Variants in RHBDD1 observed in about 807,000 individuals in gnomAD.
RHBDD1 encodes rhomboid domain containing 1, also known as rhomboid-related protein 4.
Under a neutral mutation model 36.3 loss-of-function variants are expected in RHBDD1, and 38 were observed. The observed-to-expected ratio is 1.05, with a 90% confidence interval of 0.81 to 1.37. The LOEUF (loss-of-function observed/expected upper bound fraction) is 1.37. Among genes scored for constraint, RHBDD1 ranks in the 40% most tolerant of loss-of-function variants. The pLI is 0.00. For synonymous variants in RHBDD1, 151 were observed against 136.5 expected, an observed-to-expected ratio of 1.11 and a Z score of -0.74; for missense variants, 393 against 377.6, an observed-to-expected ratio of 1.04 and a Z score of -0.34.
chr2:226,909,954 G>A (rs963669732), intron 7 of RHBDD1, among the ~76,000 whole-genome samples: 5 of 152,156 alleles, frequency 3.3e-5, no homozygotes. Flanking sequence ...GGCATCAAGG[G>A]CTTTATTGGC....
At chr2:226,827,220 C>T in the RHBDD1 span, among the ~76,000 whole-genome samples, 6 of 152,220 alleles carry the variant, frequency 3.9e-5, no homozygotes, top group African/African-American at 1.4e-4. Context: ...CTGCCTTGGC[C>T]TCCCAAAGTG....
intron 5 of RHBDD1, among the ~76,000 whole-genome samples, chr2:226,884,309 A>G (rs1468140234): frequency 6.6e-6 from 1 of 152,146 alleles, no homozygotes; most frequent in African/African-American, 2.4e-5. Context: ...ATGTAAAATG[A>G]AGACAGTTGG....
At chr2:226,975,268 C>T (rs1954361239) in intron 8 of RHBDD1, among the ~76,000 whole-genome samples, 1 of 152,128 alleles carries the variant, frequency 6.6e-6, no homozygotes, top group South Asian at 2.1e-4. Flanking sequence ...TTGTGGTACT[C>T]ATTTCACTAC....
intron 5 of RHBDD1, among the ~76,000 whole-genome samples, chr2:226,882,072 T>C (rs987347442): frequency 5.9e-5 from 9 of 152,232 alleles, no homozygotes; most frequent in African/African-American, 2.2e-4. Context: ...TTTGTTGGCA[T>C]TAATGGATAC....
chr2:226,864,574 A>G, intron 3 of RHBDD1, 30 bp from the exon 4 acceptor site: 6 of 782,984 alleles, frequency 7.7e-6, no homozygotes, highest in Non-Finnish European at 1.1e-5. Flanking sequence ...TTCTTAATTG[A>G]TGGTTTTTCA....
the RHBDD1 span, among the ~76,000 whole-genome samples, chr2:226,813,174 T>G: frequency 2.0e-5 from 3 of 152,180 alleles, no homozygotes; most frequent in Non-Finnish European, 4.4e-5. Context: ...ATCAGTGATA[T>G]CCAATAAAGA....
intron 3 of RHBDD1, among the ~76,000 whole-genome samples, chr2:226,851,513 T>A (rs575672857): frequency 6.6e-6 from 1 of 151,974 alleles, no homozygotes; most frequent in East Asian, 2.0e-4. Context: ...AAAGTAGAGG[T>A]GGAAGCGTCA....
At chr2:226,937,585 C>G (rs1950410831) in intron 8 of RHBDD1, among the ~76,000 whole-genome samples, 1 of 152,096 alleles carries the variant, frequency 6.6e-6, no homozygotes, top group African/African-American at 2.4e-5. Flanking sequence ...TGGTCCTCTT[C>G]TTCCTCTTGC....
chr2:226,906,191 T>C (rs1374216594), intron 5 of RHBDD1, among the ~76,000 whole-genome samples: 1 of 152,224 alleles, frequency 6.6e-6, no homozygotes, highest in Non-Finnish European at 1.5e-5. Context: ...AACACTTTCA[T>C]GCCCTAACTC....
intron 8 of RHBDD1, among the ~76,000 whole-genome samples, chr2:226,969,368 T>C (rs539231185): frequency 1.8e-4 from 27 of 149,958 alleles, no homozygotes; most frequent in Non-Finnish European, 3.6e-4. Context: ...GCAATAGCCA[T>C]TTGCTCTGGG....
the RHBDD1 span, among the ~76,000 whole-genome samples, chr2:226,820,644 CAAAAAAAAAAAAA>C: frequency 6.3e-5 from 4 of 63,544 alleles, no homozygotes; most frequent in South Asian, 6.9e-4. Flanking sequence ...TCCATCTCCA[CAAAAAAAAAAAAA>C]AAAAAAAAAA....
chr2:226,927,788 T>C (rs1045763009), intron 8 of RHBDD1, among the ~76,000 whole-genome samples: 6 of 152,134 alleles, frequency 3.9e-5, no homozygotes, highest in African/African-American at 1.4e-4. Flanking sequence ...TTGTCTACTT[T>C]TAATTGGATT....
chr2:226,886,906 A>G (rs981296504), intron 5 of RHBDD1, among the ~76,000 whole-genome samples: 8 of 152,184 alleles, frequency 5.3e-5, no homozygotes, highest in African/African-American at 1.7e-4. Flanking sequence ...AAATAGAGGA[A>G]CATGGAACTG....
chr2:226,883,242 G>A (rs150224607), intron 5 of RHBDD1, among the ~76,000 whole-genome samples: 23 of 152,308 alleles, frequency 1.5e-4, no homozygotes, highest in South Asian at 4.1e-4. Flanking sequence ...GCCACATGGC[G>A]TGATTTCTAA....
chr2:226,829,342 T>A, the RHBDD1 span, among the ~76,000 whole-genome samples: 6 of 152,226 alleles, frequency 3.9e-5, no homozygotes, highest in African/African-American at 1.4e-4. Context: ...AAAACTGTTT[T>A]GGCCATTCTA....
chr2:226,805,198 T>TTTTG, the RHBDD1 span: 11,198 of 150,216 alleles, frequency 0.075, 473 homozygotes, highest in Middle Eastern at 0.13. Flanking sequence ...CCCCCAGCTG[T>TTTTG]TTTGTTTGTT....
chr2:226,857,821 C>T (rs1943475599), intron 3 of RHBDD1, among the ~76,000 whole-genome samples: 1 of 151,984 alleles, frequency 6.6e-6, no homozygotes, highest in African/African-American at 2.4e-5. Flanking sequence ...TGGGGTCTCT[C>T]TTTGAAGTCA....
Position 226,998,012 on chromosome 2 carries a change from C to G in RHBDD1, c.*2490C>G, listed in dbSNP as rs994542642. On this transcript the variant is annotated 3_prime_UTR_variant, in exon 9 of 9. Coordinates refer to ENST00000392062, the MANE Select transcript of RHBDD1 (RefSeq NM_001167608.3). Reference sequence around the variant, plus strand: ...AGCAAGTGTATTAGACTAATTATCTCTAGTAGGGAATAAGCACTTAGAGCT... The same window carrying G: ...AGCAAGTGTATTAGACTAATTATCTGTAGTAGGGAATAAGCACTTAGAGCT... 1.3e-5 allele frequency: 2 copies of G among 152,142 alleles called. No homozygotes were observed. Among genetic ancestry groups the G allele is most frequent in the Non-Finnish European group, 2.9e-5 (2 of 68,012 alleles). The allele number at this position is 152,142 out of a possible 1,614,324, so 9.4% of individuals were successfully genotyped here. A position where few individuals can be genotyped will look rare whatever the true frequency, so the allele number is the denominator to read the frequency against.
chr2:226,934,945 C>T (rs1295504205), intron 8 of RHBDD1, among the ~76,000 whole-genome samples: 3 of 151,832 alleles, frequency 2.0e-5, no homozygotes, highest in South Asian at 2.1e-4. Context: ...TATCTGCCAG[C>T]GTGCAGCATG....
Sources: gnomAD v4.1 joint callset for allele counts (sites outside exome capture counted in the v4.1 genomes callset) on GRCh38, gnomAD v4.1.1 for gene constraint, MANE v1.5 for transcripts, NCBI Gene and HGNC (gene_info 2026-07-23, HGNC 2026-07-21) for gene names.